Variants in SRGAP1 observed in about 807,000 individuals in gnomAD.
The protein encoded by SRGAP1 is SLIT-ROBO Rho GTPase-activating protein 1.
A neutral mutation model predicts 121.9 loss-of-function variants in SRGAP1; 43 were observed. That is an observed-to-expected ratio of 0.35 (90% CI 0.28 to 0.46). The LOEUF (loss-of-function observed/expected upper bound fraction) is 0.46, where lower values mean the gene tolerates loss of function less well. SRGAP1 is among the 20% of genes least tolerant of loss of function. The probability of loss-of-function intolerance (pLI) is 1.00; values close to 1 mark genes in which losing one functional copy is unlikely to be tolerated. For missense variants in SRGAP1, 1,102 were observed against 1,350.9 expected (o/e 0.82, Z 2.89); for synonymous variants, 447 against 485.4 (o/e 0.92, Z 1.04).
At chr12:63,936,225 A>G (rs1425224527) in intron 1 of SRGAP1, among the ~76,000 whole-genome samples, 1 of 152,178 alleles carries the variant, frequency 6.6e-6, no homozygotes, top group African/African-American at 2.4e-5. Context: ...GAGTATATGT[A>G]GAGGAACTGG....
chr12:63,848,152 C>T (rs536077153), intron 1 of SRGAP1, among the ~76,000 whole-genome samples: 4 of 151,820 alleles, frequency 2.6e-5, no homozygotes, highest in South Asian at 2.1e-4. Flanking sequence ...ATTATATACA[C>T]GCACCACCAC....
At chr12:63,869,767 A>C (rs1413082433) in intron 1 of SRGAP1, among the ~76,000 whole-genome samples, 1 of 152,226 alleles carries the variant, frequency 6.6e-6, no homozygotes, top group Non-Finnish European at 1.5e-5. Context: ...GTGCAAAAGT[A>C]ATGGCAAAAA....
Position 64,069,009 on chromosome 12 carries a change from C to CAA in SRGAP1, c.1125+3802_1125+3803dup, listed in dbSNP as rs59679383. ...TGGGCAACAGTGCAAGACTCTGTCT[C>CAA]AAAAAAAAAAAAATGTGTGTATATA... is the stretch of plus-strand genomic sequence containing the variant. On this transcript the variant is annotated intron_variant, in intron 8 of 21. Coordinates refer to ENST00000355086, the MANE Select transcript of SRGAP1 (RefSeq NM_020762.4). 4.0e-3 allele frequency among the ~76,000 whole-genome samples: 563 copies of CAA among 141,116 alleles called. 7 individuals are homozygous for CAA. Among genetic ancestry groups the CAA allele is most frequent in the South Asian group, 9.4e-3 (42 of 4,452 alleles). The allele number at this position is 141,116 out of a possible 152,430, so 92.6% of individuals were successfully genotyped here.
intron 1 of SRGAP1, among the ~76,000 whole-genome samples, chr12:63,921,580 G>A (rs1462030802): frequency 6.6e-6 from 1 of 152,102 alleles, no homozygotes; most frequent in Non-Finnish European, 1.5e-5. Context: ...TACTTCCTTG[G>A]AAAAGCCACT....
chr12:63,911,298 C>CAA (rs10715790), intron 1 of SRGAP1, among the ~76,000 whole-genome samples: 80 of 90,188 alleles, frequency 8.9e-4, no homozygotes, highest in African/African-American at 3.2e-3. Flanking sequence ...GACTCTGTCT[C>CAA]AAAAAAAAAA....
At chr12:63,891,672 G>A (rs1281283504) in intron 1 of SRGAP1, among the ~76,000 whole-genome samples, 5 of 152,008 alleles carry the variant, frequency 3.3e-5, no homozygotes, top group Non-Finnish European at 5.9e-5. Context: ...GACAAAGGAC[G>A]CAAATCTATG....
chr12:63,999,926 A>G (rs2033827192), intron 3 of SRGAP1, among the ~76,000 whole-genome samples: 1 of 152,148 alleles, frequency 6.6e-6, no homozygotes. Context: ...GAAGAACTGT[A>G]TCCTATAAAA....
chr12:64,072,152 G>GTGTGTGTGTGT (rs1169791185), intron 8 of SRGAP1, among the ~76,000 whole-genome samples: 1 of 50,432 alleles, frequency 2.0e-5, no homozygotes, highest in African/African-American at 4.6e-5. Context: ...GTGTGTGGGC[G>GTGTGTGTGTGT]GCGGGGGGGG....
chr12:63,998,605 C>A (rs550556090), intron 3 of SRGAP1, among the ~76,000 whole-genome samples: 3 of 152,310 alleles, frequency 2.0e-5, no homozygotes, highest in African/African-American at 7.2e-5. Context: ...ACTCTCCCAA[C>A]TGAAAATTGC....
At position 63,869,293 on chromosome 12, in the gene SRGAP1, A is replaced by G. The variant is rs78630307; in HGVS notation, c.67+24410A>G. On this transcript the variant is annotated intron_variant, in intron 1 of 21. Transcript: ENST00000355086. ...CAAGAGAGGGCCAAATGTATCTTTT[A>G]TAAGGAGCCCACTCCAGAGATAACA... Among the ~76,000 whole-genome samples, 329 of 152,322 alleles carry G rather than the reference A, an allele frequency of 2.2e-3. 2 individuals carry two copies. The highest frequency in any genetic ancestry group is 7.5e-3 in the African/African-American group (312 of 41,566).
At chr12:64,047,567 A>G (rs766107757) in intron 6 of SRGAP1, among the ~76,000 whole-genome samples, 3 of 152,194 alleles carry the variant, frequency 2.0e-5, no homozygotes, top group Non-Finnish European at 2.9e-5. Flanking sequence ...AAGGCAGTAA[A>G]TGTATCTTGA....
At chr12:64,062,867 T>C in intron 6 of SRGAP1, 50 bp from the exon 7 acceptor site, 1 of 1,460,746 alleles carries the variant, frequency 6.8e-7, no homozygotes, top group Non-Finnish European at 9.4e-7. Context: ...TTTTTGTCTT[T>C]GATCAATTTT....
chr12:63,886,326 T>C (rs970080223), intron 1 of SRGAP1, among the ~76,000 whole-genome samples: 2 of 151,966 alleles, frequency 1.3e-5, no homozygotes, highest in African/African-American at 4.8e-5. Flanking sequence ...CCTCTCAAGG[T>C]ACTGGGATTA....
At chr12:63,871,829 G>A in intron 1 of SRGAP1, 4 of 1,402,800 alleles carry the variant, frequency 2.9e-6, no homozygotes. Flanking sequence ...TCTTGGATCT[G>A]CAGTTAGGCT....
chr12:64,116,214 G>A (rs1354232686), intron 18 of SRGAP1, among the ~76,000 whole-genome samples: 5 of 136,612 alleles, frequency 3.7e-5, no homozygotes, highest in South Asian at 2.3e-4. Context: ...CTAGGATAGC[G>A]CCACTGCCCT....
At chr12:64,126,773 C>T (rs74949014) in intron 19 of SRGAP1, among the ~76,000 whole-genome samples, 2,383 of 151,550 alleles carry the variant, frequency 0.016, 71 homozygotes, top group African/African-American at 0.054. Flanking sequence ...ATGTGTATCT[C>T]GGAAGCCAAG....
At chr12:63,961,968 A>C (rs766058989) in intron 1 of SRGAP1, among the ~76,000 whole-genome samples, 1 of 152,176 alleles carries the variant, frequency 6.6e-6, no homozygotes, top group Non-Finnish European at 1.5e-5. Context: ...AAGACAGGGA[A>C]GGTGGAAAGG....
chr12:63,983,844 A>G (rs1333851237), intron 1 of SRGAP1, 103 bp from the exon 2 acceptor site: 1 of 86,194 alleles, frequency 1.2e-5, no homozygotes, highest in African/African-American at 5.1e-5. Flanking sequence ...ATATATATAT[A>G]TATATATATA....
chr12:63,986,182 C>G (rs1199033322), intron 2 of SRGAP1, among the ~76,000 whole-genome samples: 1 of 151,394 alleles, frequency 6.6e-6, no homozygotes, highest in Non-Finnish European at 1.5e-5. Context: ...CCCTTTCTCT[C>G]TTCTCTCTCT....
Sources: allele counts gnomAD v4.1 joint callset (sites outside exome capture counted in the v4.1 genomes callset), GRCh38; gene constraint gnomAD v4.1.1; transcripts MANE v1.5; gene names NCBI Gene and HGNC (gene_info 2026-07-23, HGNC 2026-07-21).